NEK4: variants seen among roughly 807,000 people sequenced by gnomAD.
NEK4 encodes NIMA related kinase 4.
Under a neutral mutation model 98.4 loss-of-function variants are expected in NEK4, and 86 were observed. The ratio of observed to expected loss-of-function variants is 0.87; its 90% CI spans 0.73 to 1.05. NEK4 has a LOEUF of 1.05. Ranked by LOEUF, NEK4 falls within the 50% of genes least tolerant of loss-of-function variation. The pLI is 0.00. For missense variants in NEK4, 898 were observed against 950.3 expected (o/e 0.94, Z 0.72); for synonymous variants, 328 against 342.2 (o/e 0.96, Z 0.46).
intron 15 of NEK4, among the ~76,000 whole-genome samples, chr3:52,717,935 A>G (rs949242132): frequency 6.6e-6 from 1 of 151,824 alleles, no homozygotes; most frequent in Non-Finnish European, 1.5e-5. Context: ...CTGGGATTAC[A>G]GGCGTATGCC....
chr3:52,718,059 T>G (rs2109634), intron 15 of NEK4, among the ~76,000 whole-genome samples: 69,410 of 151,768 alleles, frequency 0.46, 16,186 homozygotes, highest in African/African-American at 0.52. Context: ...CTCCCAAGGT[T>G]CTGGGATCAC....
chr3:52,709,876 G>T lies in NEK4; in HGVS notation c.*1901C>A, dbSNP rs2097348671. On this transcript the variant is annotated 3_prime_UTR_variant, in exon 16 of 16. Transcript: ENST00000233027. ...GCTCAAGGATACCAAGTTTGCCAAA[G>T]ATTTGTTCCCAACTGGGCATTGGGA... 2 of 152,132 alleles carry T rather than the reference G, an allele frequency of 1.3e-5. No individual in the cohort carries two copies. The highest frequency in any genetic ancestry group is 4.8e-5 in the African/African-American group (2 of 41,418). 9.4% of individuals were successfully genotyped at this position (152,132 alleles called of 1,614,324 possible).
At chr3:52,747,868 C>T (rs1446064182) in intron 8 of NEK4, among the ~76,000 whole-genome samples, 1 of 151,914 alleles carries the variant, frequency 6.6e-6, no homozygotes, top group East Asian at 1.9e-4. Flanking sequence ...TTGTATGAGT[C>T]CAGGAGGTCA....
intron 15 of NEK4, chr3:52,733,143 G>A (rs1668927272): frequency 5.5e-6 from 1 of 182,190 alleles, no homozygotes; most frequent in Non-Finnish European, 1.2e-5. Context: ...AGTTTTTAGA[G>A]TGTCTGCAAG....
At chr3:52,765,646 T>C (rs1698531254) in intron 4 of NEK4, among the ~76,000 whole-genome samples, 1 of 152,218 alleles carries the variant, frequency 6.6e-6, no homozygotes, top group Non-Finnish European at 1.5e-5. Flanking sequence ...GCATAGGTTT[T>C]CAAAAAGCCA....
chr3:52,743,266 A>G, intron 12 of NEK4, 86 bp downstream of exon 12: 1 of 1,011,688 alleles, frequency 9.9e-7, no homozygotes, highest in Non-Finnish European at 1.5e-6. Context: ...CCCAAAAATA[A>G]ATGGAGCTGA....
Position 52,710,723 on chromosome 3 carries a change from C to G in NEK4, c.*1054G>C, listed in dbSNP as rs925960382. On this transcript the variant is annotated 3_prime_UTR_variant, in exon 16 of 16. Coordinates refer to ENST00000233027, the MANE Select transcript of NEK4 (RefSeq NM_003157.6). Reference sequence around the variant, plus strand: ...GTTGCAGTGAGTTGAGATCATGCCACTGCACTCCAGCCTGACTGACAGAGT... The same window carrying G: ...GTTGCAGTGAGTTGAGATCATGCCAGTGCACTCCAGCCTGACTGACAGAGT... The G allele has an allele frequency of 1.3e-5, 2 of 152,044 alleles. No individual in the cohort carries two copies. The highest frequency in any genetic ancestry group is 4.8e-5 in the African/African-American group (2 of 41,416). The allele number at this position is 152,044 out of a possible 1,614,324, so 9.4% of individuals were successfully genotyped here.
chr3:52,739,225 C>G (rs1380634296), intron 14 of NEK4, among the ~76,000 whole-genome samples: 1 of 152,050 alleles, frequency 6.6e-6, no homozygotes, highest in East Asian at 1.9e-4. Context: ...ATGGTGAAAC[C>G]CCGCCTCTAC....
intron 15 of NEK4, among the ~76,000 whole-genome samples, chr3:52,716,080 C>A (rs905198261): frequency 2.6e-5 from 4 of 152,216 alleles, no homozygotes; most frequent in African/African-American, 9.6e-5. Context: ...CTGCCCGCCC[C>A]GCTGCAGCAA....
chr3:52,719,831 G>A (rs1397399031), intron 15 of NEK4, among the ~76,000 whole-genome samples: 1 of 152,010 alleles, frequency 6.6e-6, no homozygotes, highest in African/African-American at 2.4e-5. Context: ...TACACTGGCA[G>A]AACAATTAGC....
At chr3:52,733,871 T>C (rs910717720) in intron 15 of NEK4, 8 of 313,946 alleles carry the variant, frequency 2.5e-5, no homozygotes, top group African/African-American at 1.7e-4. Flanking sequence ...GATGCAAAAA[T>C]GTGGCAAAGT....
intron 15 of NEK4, among the ~76,000 whole-genome samples, chr3:52,732,180 G>A (rs541637451): frequency 1.3e-5 from 2 of 152,166 alleles, no homozygotes; most frequent in East Asian, 1.9e-4. Context: ...CCAGCGCCCA[G>A]CCTCACAGAT....
chr3:52,755,436 G>T (rs1451130123), intron 6 of NEK4, among the ~76,000 whole-genome samples: 1 of 150,624 alleles, frequency 6.6e-6, no homozygotes, highest in Non-Finnish European at 1.5e-5. Flanking sequence ...AAAAACACAT[G>T]ATCATCAACA....
rs147913691 is a variant in NEK4, at chr3:52,741,514, G to A, written c.2005-15C>T. The A allele has an allele frequency of 1.3e-3, 1,981 of 1,538,952 alleles. 8 individuals are homozygous for A. Among genetic ancestry groups the A allele is most frequent in the Middle Eastern group, 1.4e-3 (8 of 5,908 alleles). ...TGTTTCCTTTCCTATTAAATGTTTG[G>A]AAGAATTAAAATTCTACATGACAAC... On this transcript the variant is annotated splice_polypyrimidine_tract_variant and intron_variant, in intron 12 of 15. Transcript: ENST00000233027.
chr3:52,743,402 C>T lies in NEK4; in HGVS notation c.1954G>A (p.Asp652Asn), dbSNP rs1169698033. 1.2e-6 allele frequency: 2 copies of T among 1,609,930 alleles called. No homozygotes were observed. The highest frequency in any genetic ancestry group is 2.7e-5 in the African/African-American group (2 of 74,894). Reference protein sequence around the residue: ...VAGPGKPQEEDQPLPARRLSS... With the variant: ...VAGPGKPQEENQPLPARRLSS... ...AGCCGTCGGGCAGGCAAGGGCTGGT[C>T]TTCTTCCTGGGGTTTTCCTGGCCCT... is the stretch of plus-strand genomic sequence containing the variant. Residue 652 changes from aspartate to asparagine, a missense_variant, in exon 12 of 16, where the codon GAC becomes AAC. Coordinates refer to ENST00000233027, the MANE Select transcript of NEK4 (RefSeq NM_003157.6).
chr3:52,761,534 C>G (rs1177091680), intron 5 of NEK4, among the ~76,000 whole-genome samples: 1 of 152,124 alleles, frequency 6.6e-6, no homozygotes, highest in African/African-American at 2.4e-5. Context: ...GATCTGCCAG[C>G]CTCGGCCTCC....
In NEK4 at chr3:52,768,452, G is replaced by C. The variant is rs746281434; in HGVS notation, c.246C>G (p.Val82=). ...AATCACCTCCTTCACAGAAGCCCAT[G>C]ACAATGTAGAGCAGACCATCTCCTC... The part of the protein sequence containing the change: ...WEGGDGLLYI[V]MGFCEGGDLY... The change falls in exon 2 of 16, where the codon GTC becomes GTG. Residue 82 remains valine (V), a synonymous_variant. Transcript: ENST00000233027. 1.2e-6 allele frequency: 2 copies of C among 1,614,158 alleles called. No homozygotes were observed. Among genetic ancestry groups the C allele is most frequent in the Non-Finnish European group, 1.7e-6 (2 of 1,180,008 alleles).
At chr3:52,723,775 G>A (rs746564742) in intron 15 of NEK4, among the ~76,000 whole-genome samples, 10 of 151,864 alleles carry the variant, frequency 6.6e-5, no homozygotes, top group Non-Finnish European at 1.2e-4. Context: ...AGGAGAGAGA[G>A]GGGATCAGAT....
Position 52,737,737 on chromosome 3 carries a change from A to G in NEK4, c.2300-18T>C. 1 of 1,585,586 alleles carries G rather than the reference A, an allele frequency of 6.3e-7. No individual in the cohort carries two copies. Among genetic ancestry groups the G allele is most frequent in the Non-Finnish European group, 8.6e-7 (1 of 1,165,748 alleles). ...CATAATAGCTAAAAGGCAACAACAA[A>G]GACAAAGGGAAAAATAAACACTTTT... On this transcript the variant is annotated intron_variant, in intron 14 of 15. Coordinates refer to ENST00000233027, the MANE Select transcript of NEK4 (RefSeq NM_003157.6).
Sources: allele counts gnomAD v4.1 joint callset (sites outside exome capture counted in the v4.1 genomes callset), GRCh38; gene constraint gnomAD v4.1.1; transcripts MANE v1.5; gene names NCBI Gene and HGNC (gene_info 2026-07-23, HGNC 2026-07-21).